The following KPNA3 variants were observed in gnomAD, a reference collection of about 807,000 sequenced individuals.
KPNA3 encodes the protein karyopherin subunit alpha 3, also known as importin subunit alpha-4.
KPNA3 carries 13 observed loss-of-function variants against 73.8 expected under a neutral mutation model. That is an observed-to-expected ratio of 0.18 (90% CI 0.11 to 0.28). The LOEUF (loss-of-function observed/expected upper bound fraction) is 0.28, where lower values mean the gene tolerates loss of function less well. Ranked by LOEUF, KPNA3 falls within the 10% of genes least tolerant of loss-of-function variation. The pLI is 1.00. For missense variants in KPNA3, 360 were observed against 618.1 expected, an observed-to-expected ratio of 0.58 and a Z score of 4.43; for synonymous variants, 186 against 206.9, an observed-to-expected ratio of 0.90 and a Z score of 0.87.
rs1471491627 is a variant in KPNA3, at chr13:49,732,772, T to C, written c.209A>G (p.Asn70Ser). 3.8e-6 allele frequency: 6 copies of C among 1,570,002 alleles called. No homozygotes were observed. Among genetic ancestry groups the C allele is most frequent in the East Asian group, 4.5e-5 (2 of 44,568 alleles). Residue 70 changes from asparagine (N) to serine (S), a missense_variant, in exon 4 of 17, where the codon AAT becomes AGT. Physicochemically the swap from Asn to Ser is conservative, Grantham distance 46. Coordinates refer to ENST00000261667, the MANE Select transcript of KPNA3 (RefSeq NM_002267.4). The part of the protein sequence containing the change: ...SDVDADFKAQ[N>S]VTLEAILQNA... ...CTGCAATATAGCTTCTAGGGTTACA[T>C]TTTGCTTAAAAAGAAAAAAAAAATA...
intron 1 of KPNA3, among the ~76,000 whole-genome samples, chr13:49,761,676 A>C (rs1954762551): frequency 6.6e-6 from 1 of 152,180 alleles, no homozygotes; most frequent in Non-Finnish European, 1.5e-5. Flanking sequence ...CTGGGAAGTG[A>C]GGAGCGTCTC....
At chr13:49,725,143 T>C (rs953806089) in intron 7 of KPNA3, among the ~76,000 whole-genome samples, 2 of 152,216 alleles carry the variant, frequency 1.3e-5, no homozygotes. Context: ...CCATTCAGCA[T>C]CTTGAAGATA....
chr13:49,739,971 C>A (rs1195633486), intron 2 of KPNA3, among the ~76,000 whole-genome samples: 2 of 152,160 alleles, frequency 1.3e-5, no homozygotes, highest in African/African-American at 4.8e-5. Flanking sequence ...ATAAACACAG[C>A]TGAGTGCAGT....
intron 1 of KPNA3, among the ~76,000 whole-genome samples, chr13:49,777,820 T>G (rs1016207398): frequency 2.6e-5 from 4 of 152,138 alleles, no homozygotes; most frequent in African/African-American, 4.8e-5. Flanking sequence ...CGTATTATTT[T>G]TTAGTAAAAT....
At chr13:49,720,394 G>T (rs1432479884) in intron 9 of KPNA3, among the ~76,000 whole-genome samples, 1 of 152,140 alleles carries the variant, frequency 6.6e-6, no homozygotes, top group South Asian at 2.1e-4. Context: ...GGGGTTGTAG[G>T]AAATCACACA....
intron 1 of KPNA3, among the ~76,000 whole-genome samples, chr13:49,774,641 T>C (rs1954881950): frequency 6.6e-6 from 1 of 152,158 alleles, no homozygotes; most frequent in African/African-American, 2.4e-5. Context: ...AAGAAAAGCA[T>C]AGGGAGGGAT....
Position 49,701,745 on chromosome 13 carries a change from GC to G in KPNA3, c.*54del. 1 of 1,028,218 alleles carries G rather than the reference GC, an allele frequency of 9.7e-7. No homozygotes were observed. 63.7% of individuals were successfully genotyped at this position (1,028,218 alleles called of 1,614,324 possible). On this transcript the variant is annotated 3_prime_UTR_variant, in exon 17 of 17. Transcript: ENST00000261667. ...TTGCTGTTGTTCTTATCATTTGGTA[GC>G]CATCTGGTGGTGCTTCATATTGAAT...
chr13:49,753,141 T>A (rs1177189630), intron 1 of KPNA3, among the ~76,000 whole-genome samples: 2 of 141,142 alleles, frequency 1.4e-5, no homozygotes, highest in African/African-American at 2.7e-5. Context: ...ACCGAAGCAA[T>A]GAAATAGAGC....
intron 9 of KPNA3, among the ~76,000 whole-genome samples, chr13:49,720,284 C>G (rs181548342): frequency 5.9e-5 from 9 of 152,296 alleles, no homozygotes; most frequent in Admixed American, 2.0e-4. Flanking sequence ...TCAACTTCAC[C>G]TTTAGTCAAG....
intron 1 of KPNA3, among the ~76,000 whole-genome samples, chr13:49,766,637 C>T (rs968299351): frequency 6.6e-6 from 1 of 152,086 alleles, no homozygotes; most frequent in Non-Finnish European, 1.5e-5. Context: ...GGAAGACAAG[C>T]ATTATTTTGA....
chr13:49,733,488 C>T (rs1733300282), intron 2 of KPNA3, among the ~76,000 whole-genome samples: 1 of 152,000 alleles, frequency 6.6e-6, no homozygotes, highest in Non-Finnish European at 1.5e-5. Flanking sequence ...GTGTTTTTGC[C>T]GTGTTGGCCA....
chr13:49,736,693 CATGT>C (rs1954524075), intron 2 of KPNA3, among the ~76,000 whole-genome samples: 2 of 152,242 alleles, frequency 1.3e-5, no homozygotes, highest in South Asian at 4.2e-4. Flanking sequence ...CATGTATTTG[CATGT>C]GTGTGTGTGT....
At chr13:49,787,543 G>C (rs978303557) in intron 1 of KPNA3, among the ~76,000 whole-genome samples, 44 of 152,278 alleles carry the variant, frequency 2.9e-4, no homozygotes, top group African/African-American at 1.0e-3. Flanking sequence ...GTTTCACTCT[G>C]TCGCCCAGAC....
chr13:49,732,905 A>T, intron 3 of KPNA3, 52 bp downstream of exon 3: 1 of 1,399,804 alleles, frequency 7.1e-7, no homozygotes, highest in Non-Finnish European at 1.0e-6. Context: ...TGAAGTTCTC[A>T]CAGTTACTAT....
chr13:49,740,080 G>C (rs1202410084), intron 2 of KPNA3, among the ~76,000 whole-genome samples: 1 of 151,820 alleles, frequency 6.6e-6, no homozygotes, highest in African/African-American at 2.4e-5. Context: ...GCGAAATCCC[G>C]TATCTACCAA....
chr13:49,723,742 T>C (rs1045113993), intron 7 of KPNA3, among the ~76,000 whole-genome samples: 5 of 150,254 alleles, frequency 3.3e-5, no homozygotes, highest in Admixed American at 6.7e-5. Flanking sequence ...TGGTGGTGTG[T>C]GCCTGTAGTC....
At chr13:49,733,655 C>T (rs1275937596) in intron 2 of KPNA3, among the ~76,000 whole-genome samples, 1 of 152,182 alleles carries the variant, frequency 6.6e-6, no homozygotes, top group Non-Finnish European at 1.5e-5. Flanking sequence ...ATTCCCCTTC[C>T]CATATCCAGT....
At chr13:49,751,222 C>T (rs190356677) in intron 1 of KPNA3, among the ~76,000 whole-genome samples, 1 of 152,290 alleles carries the variant, frequency 6.6e-6, no homozygotes, top group Admixed American at 6.5e-5. Flanking sequence ...CACATCTCCT[C>T]TCCTGTCAAT....
intron 7 of KPNA3, among the ~76,000 whole-genome samples, chr13:49,723,387 T>G (rs1325619142): frequency 2.0e-5 from 3 of 152,032 alleles, no homozygotes; most frequent in Non-Finnish European, 4.4e-5. Context: ...CTGGCCAAGA[T>G]GGTGAAACCC....
Sources: gnomAD v4.1 joint callset for allele counts (sites outside exome capture counted in the v4.1 genomes callset) on GRCh38, gnomAD v4.1.1 for gene constraint, MANE v1.5 for transcripts, NCBI Gene and HGNC (gene_info 2026-07-23, HGNC 2026-07-21) for gene names.